Variants in PPP1R12A observed in about 807,000 individuals in gnomAD.
The protein encoded by PPP1R12A is myosin binding subunit.
PPP1R12A carries 19 observed loss-of-function variants against 139.6 expected under a neutral mutation model. The observed-to-expected ratio is 0.14, with a 90% CI of 0.09 to 0.20. The LOEUF (loss-of-function observed/expected upper bound fraction) is 0.20, where lower values mean the gene tolerates loss of function less well. PPP1R12A is among the 10% of genes least tolerant of loss of function. The pLI is 1.00. For synonymous variants in PPP1R12A, 427 were observed against 420.6 expected, an observed-to-expected ratio of 1.02 and a Z score of -0.19; for missense variants, 925 against 1,211.5, an observed-to-expected ratio of 0.76 and a Z score of 3.51.
At chr12:79,815,238 C>T (rs1875197273) in intron 9 of PPP1R12A, among the ~76,000 whole-genome samples, 1 of 152,080 alleles carries the variant, frequency 6.6e-6, no homozygotes, top group African/African-American at 2.4e-5. Flanking sequence ...TAGCCAAATA[C>T]CCAAAAGATA....
chr12:79,871,142 C>G (rs951430763), intron 2 of PPP1R12A, among the ~76,000 whole-genome samples: 1 of 152,140 alleles, frequency 6.6e-6, no homozygotes, highest in African/African-American at 2.4e-5. Context: ...CAGGTCCTTG[C>G]TGACATCACT....
At chr12:79,855,494 A>T (rs1284715372) in intron 2 of PPP1R12A, among the ~76,000 whole-genome samples, 2 of 152,202 alleles carry the variant, frequency 1.3e-5, no homozygotes, top group African/African-American at 4.8e-5. Flanking sequence ...TATATAACCA[A>T]TAATGGGATT....
At chr12:79,875,538 C>G (rs1387232201) in intron 1 of PPP1R12A, among the ~76,000 whole-genome samples, 6 of 152,098 alleles carry the variant, frequency 3.9e-5, no homozygotes, top group Admixed American at 3.9e-4. Flanking sequence ...TAATACACAA[C>G]TAGGAGTATG....
At chr12:79,805,865 T>C in intron 13 of PPP1R12A, 97 bp from the exon 14 acceptor site, 1 of 1,304,480 alleles carries the variant, frequency 7.7e-7, no homozygotes, top group Non-Finnish European at 1.0e-6. Flanking sequence ...ACTACAGGGA[T>C]GGATTTTTTT....
intron 1 of PPP1R12A, among the ~76,000 whole-genome samples, chr12:79,887,085 T>C (rs1884173520): frequency 6.6e-6 from 1 of 152,152 alleles, no homozygotes; most frequent in African/African-American, 2.4e-5. Context: ...AGTCATTCAT[T>C]TTGGTAGATA....
intron 9 of PPP1R12A, among the ~76,000 whole-genome samples, chr12:79,814,718 G>A (rs1183785336): frequency 6.7e-6 from 1 of 148,472 alleles, no homozygotes; most frequent in East Asian, 2.0e-4. Flanking sequence ...GGGAGGCTGA[G>A]GCAGGAGAAT....
At chr12:79,810,709 T>A (rs1874419457) in intron 9 of PPP1R12A, among the ~76,000 whole-genome samples, 2 of 147,194 alleles carry the variant, frequency 1.4e-5, no homozygotes, top group Non-Finnish European at 2.9e-5. Flanking sequence ...CTGAAAAAAA[T>A]CTAATAAACT....
At chr12:79,845,877 T>A (rs982001842) in intron 2 of PPP1R12A, among the ~76,000 whole-genome samples, 1 of 152,250 alleles carries the variant, frequency 6.6e-6, no homozygotes. Context: ...TGTACACACG[T>A]TGCTTTACCA....
At chr12:79,923,386 T>C (rs745353741) in intron 1 of PPP1R12A, among the ~76,000 whole-genome samples, 5 of 152,254 alleles carry the variant, frequency 3.3e-5, no homozygotes, top group Non-Finnish European at 7.3e-5. Context: ...AATTCCAAGA[T>C]GTATATGCAC....
intron 1 of PPP1R12A, among the ~76,000 whole-genome samples, chr12:79,930,112 G>A (rs942237304): frequency 2.0e-5 from 3 of 152,172 alleles, no homozygotes; most frequent in African/African-American, 4.8e-5. Context: ...TATTGCAGGA[G>A]AGGCAGAATA....
At chr12:79,807,381 T>A in intron 11 of PPP1R12A, 51 bp from the exon 12 acceptor site, 1 of 1,186,896 alleles carries the variant, frequency 8.4e-7, no homozygotes, top group Non-Finnish European at 1.2e-6. Flanking sequence ...AAAATAGGAT[T>A]AAGAAAGCGG....
At chr12:79,934,653 G>A in intron 1 of PPP1R12A, 42 bp downstream of exon 1, 1 of 1,477,728 alleles carries the variant, frequency 6.8e-7, no homozygotes, top group African/African-American at 1.4e-5. Flanking sequence ...AGGCCGACGA[G>A]AACCCTCACG....
At position 79,885,667 on chromosome 12, in the gene PPP1R12A, G is replaced by T. The variant is rs978526008; in HGVS notation, c.238-12729C>A. 2.6e-5 allele frequency among the ~76,000 whole-genome samples: 4 copies of T among 152,160 alleles called. No homozygotes were observed. In the South Asian group the frequency reaches 6.2e-4, roughly 24 times the overall value. The stretch of plus-strand genomic sequence containing the variant: ...TATGATTCAGAAGAGCAAAGCAAAA[G>T]AAAAGAGTTGTATAAATGTAATTAT... On this transcript the variant is annotated intron_variant, in intron 1 of 24. Transcript: ENST00000450142.
intron 1 of PPP1R12A, among the ~76,000 whole-genome samples, chr12:79,903,364 T>C (rs372519420): frequency 4.6e-5 from 7 of 151,746 alleles, no homozygotes; most frequent in Admixed American, 4.6e-4. Context: ...GGCAGGAGAA[T>C]TGCTTGAACC....
At chr12:79,927,214 C>G (rs972943889) in intron 1 of PPP1R12A, among the ~76,000 whole-genome samples, 1 of 151,744 alleles carries the variant, frequency 6.6e-6, no homozygotes, top group South Asian at 2.1e-4. Flanking sequence ...CACACCACAC[C>G]CACACACACA....
chr12:79,923,787 A>G (rs1466697977), intron 1 of PPP1R12A, among the ~76,000 whole-genome samples: 1 of 152,236 alleles, frequency 6.6e-6, no homozygotes, highest in African/African-American at 2.4e-5. Flanking sequence ...TCACGCCTGT[A>G]ATCGCAGCAC....
chr12:79,788,844 A>G, intron 20 of PPP1R12A, 61 bp from the exon 21 acceptor site: 1 of 1,371,948 alleles, frequency 7.3e-7, no homozygotes, highest in Non-Finnish European at 9.9e-7. Flanking sequence ...ATAACAACAT[A>G]CATCCTAGTA....
intron 9 of PPP1R12A, among the ~76,000 whole-genome samples, chr12:79,811,171 A>G (rs1370575197): frequency 2.6e-5 from 4 of 152,176 alleles, no homozygotes; most frequent in Non-Finnish European, 1.5e-5. Flanking sequence ...TTTCTTTCAT[A>G]TCTATTGCCA....
At position 79,856,373 on chromosome 12, in the gene PPP1R12A, C is replaced by T. The variant is rs570869495; in HGVS notation, c.369-10953G>A. On this transcript the variant is annotated intron_variant, in intron 2 of 24. Coordinates refer to ENST00000450142, the MANE Select transcript of PPP1R12A (RefSeq NM_002480.3). ...GTATTTGCTTGGTTAACCAAATAGG[C>T]TGACTGAAATAGGTAATCATAAAAT... Among the ~76,000 whole-genome samples the T allele has an allele frequency of 4.6e-5, 7 of 152,284 alleles. 1 individual carries two copies. In the South Asian group the frequency reaches 1.5e-3, roughly 32 times the overall value.
Sources: allele counts gnomAD v4.1 joint callset (sites outside exome capture counted in the v4.1 genomes callset), GRCh38; gene constraint gnomAD v4.1.1; transcripts MANE v1.5; gene names NCBI Gene and HGNC (gene_info 2026-07-23, HGNC 2026-07-21).